The following CDH12 variants were observed in gnomAD, a reference collection of about 807,000 sequenced individuals.
CDH12 encodes the protein cadherin-12.
Under a neutral mutation model 74.1 loss-of-function variants are expected in CDH12, and 41 were observed. The observed-to-expected ratio is 0.55, with a 90% confidence interval of 0.43 to 0.72. The LOEUF (loss-of-function observed/expected upper bound fraction) is 0.72, where lower values mean the gene tolerates loss of function less well. Ranked by LOEUF, CDH12 falls within the 30% of genes least tolerant of loss-of-function variation. The pLI, the probability that CDH12 is intolerant of heterozygous loss-of-function variation, is 0.00. For missense variants in CDH12, 945 were observed against 977.2 expected, an observed-to-expected ratio of 0.97 and a Z score of 0.44; for synonymous variants, 399 against 355.0, an observed-to-expected ratio of 1.12 and a Z score of -1.39.
At chr5:22,518,835 A>G (rs933672355) in intron 1 of CDH12, among the ~76,000 whole-genome samples, 1 of 152,176 alleles carries the variant, frequency 6.6e-6, no homozygotes, top group Non-Finnish European at 1.5e-5. Context: ...GTATCACTAC[A>G]TTGATTGGAA....
At chr5:22,137,328 T>G (rs1746521400) in intron 4 of CDH12, among the ~76,000 whole-genome samples, 1 of 152,060 alleles carries the variant, frequency 6.6e-6, no homozygotes, top group African/African-American at 2.4e-5. Context: ...TGTCTTATAG[T>G]TATAATATGC....
At chr5:21,982,354 T>C (rs1325202190) in intron 5 of CDH12, among the ~76,000 whole-genome samples, 1 of 151,996 alleles carries the variant, frequency 6.6e-6, no homozygotes, top group African/African-American at 2.4e-5. Context: ...CTATCCTGGG[T>C]CTACAGTTTG....
intron 5 of CDH12, among the ~76,000 whole-genome samples, chr5:22,045,740 A>T (rs1015766018): frequency 1.3e-5 from 2 of 152,136 alleles, no homozygotes; most frequent in African/African-American, 4.8e-5. Flanking sequence ...ATCTAAAAAA[A>T]GTTTATCTCA....
rs562359181 is a variant in CDH12, at chr5:22,763,146, C to T, written c.-523+89912G>A. Among the ~76,000 whole-genome samples, 6 of 151,930 alleles carry T rather than the reference C, an allele frequency of 3.9e-5. No individual in the cohort carries two copies. In the South Asian group the frequency reaches 8.3e-4, roughly 21 times the overall value. On this transcript the variant is annotated intron_variant, in intron 1 of 14. Transcript: ENST00000382254. Reference sequence around the variant, plus strand: ...TTGACAGTCTACTGACTTTTCATAACGGAACATCATGGTAATTTAAGTGTG... The same window carrying T: ...TTGACAGTCTACTGACTTTTCATAATGGAACATCATGGTAATTTAAGTGTG...
intron 1 of CDH12, among the ~76,000 whole-genome samples, chr5:22,635,270 G>T (rs868632220): frequency 3.9e-5 from 6 of 152,244 alleles, no homozygotes; most frequent in Admixed American, 3.3e-4. Context: ...GACAGTGAGT[G>T]CTGGGACGAA....
At chr5:22,070,042 C>T (rs996357002) in intron 5 of CDH12, among the ~76,000 whole-genome samples, 1 of 152,106 alleles carries the variant, frequency 6.6e-6, no homozygotes, top group Non-Finnish European at 1.5e-5. Flanking sequence ...GAAATGAGGG[C>T]TATAATCATT....
At chr5:22,745,782 A>G (rs1745264770) in intron 1 of CDH12, among the ~76,000 whole-genome samples, 1 of 152,136 alleles carries the variant, frequency 6.6e-6, no homozygotes, top group Admixed American at 6.5e-5. Context: ...GGTGGGAGGA[A>G]GGAGAGATTC....
intron 3 of CDH12, among the ~76,000 whole-genome samples, chr5:22,283,300 T>A (rs1432189081): frequency 6.8e-6 from 1 of 146,950 alleles, no homozygotes; most frequent in African/African-American, 2.5e-5. Context: ...ATATATAGCA[T>A]TTACATATAT....
At chr5:22,769,554 CG>C (rs1746698359) in intron 1 of CDH12, among the ~76,000 whole-genome samples, 1 of 152,032 alleles carries the variant, frequency 6.6e-6, no homozygotes, top group Non-Finnish European at 1.5e-5. Context: ...GATAGCCTAT[CG>C]TGGGACTTCG....
At chr5:22,513,449 G>A (rs904914144) in intron 1 of CDH12, among the ~76,000 whole-genome samples, 1 of 151,866 alleles carries the variant, frequency 6.6e-6, no homozygotes, top group African/African-American at 2.4e-5. Context: ...AGCTTTCACT[G>A]AATAATGAAC....
At chr5:21,925,288 TCAAGTCCTC>T (rs897070016) in intron 6 of CDH12, among the ~76,000 whole-genome samples, 1 of 152,196 alleles carries the variant, frequency 6.6e-6, no homozygotes, top group African/African-American at 2.4e-5. Context: ...AAACTGCTTT[TCAAGTCCTC>T]CCTCAAACAC....
chr5:22,562,815 T>C (rs1739117628), intron 1 of CDH12, among the ~76,000 whole-genome samples: 1 of 150,202 alleles, frequency 6.7e-6, no homozygotes, highest in African/African-American at 2.4e-5. Flanking sequence ...TAATCTATTA[T>C]GTTATGAAAT....
intron 1 of CDH12, among the ~76,000 whole-genome samples, chr5:22,807,683 T>A (rs1201817041): frequency 1.3e-5 from 2 of 152,348 alleles, no homozygotes; most frequent in East Asian, 3.9e-4. Context: ...CTGTACTGAA[T>A]ACTGCAGACA....
intron 4 of CDH12, among the ~76,000 whole-genome samples, chr5:22,138,873 T>TATATATATATATATATATATATAC (rs1561151408): frequency 2.2e-5 from 3 of 139,414 alleles, no homozygotes; most frequent in East Asian, 2.0e-4. Flanking sequence ...TATATATATA[T>TATATATATATATATATATATATAC]ATACATGTTG....
intron 1 of CDH12, among the ~76,000 whole-genome samples, chr5:22,819,824 C>A (rs567517521): frequency 6.7e-6 from 1 of 149,904 alleles, no homozygotes; most frequent in Admixed American, 6.7e-5. Flanking sequence ...TATCCAGATA[C>A]TTAAATATAT....
chr5:21,883,242 A>C, intron 6 of CDH12: 1 of 1,357,410 alleles, frequency 7.4e-7, no homozygotes, highest in Admixed American at 1.7e-5. Context: ...TGAAGGCATG[A>C]AGTTTGATTG....
intron 6 of CDH12, among the ~76,000 whole-genome samples, chr5:21,882,102 A>G (rs747651473): frequency 6.6e-6 from 1 of 152,250 alleles, no homozygotes; most frequent in Non-Finnish European, 1.5e-5. Flanking sequence ...ATTAGAGCCA[A>G]TGTTCAGGTT....
intron 8 of CDH12, among the ~76,000 whole-genome samples, chr5:21,837,516 T>C (rs1042239997): frequency 6.6e-6 from 1 of 151,100 alleles, no homozygotes; most frequent in African/African-American, 2.4e-5. Flanking sequence ...CGAACAAATA[T>C]AGTTAGTTGT....
Position 22,622,781 on chromosome 5 carries a change from G to A in CDH12, c.-522-117417C>T, listed in dbSNP as rs147943129. ...GTACCATTCCCTCTGAAACTATTCCGATCAATAGAAAAGAGGGAATCCTCC... is the reference window on the plus strand; with the variant it reads ...GTACCATTCCCTCTGAAACTATTCCAATCAATAGAAAAGAGGGAATCCTCC... On this transcript the variant is annotated intron_variant, in intron 1 of 14. Transcript: ENST00000382254. 7.9e-4 allele frequency among the ~76,000 whole-genome samples: 120 copies of A among 152,120 alleles called. 2 individuals carry two copies. In the East Asian group the frequency reaches 0.018, roughly 22 times the overall value.
Sources: gnomAD v4.1 joint callset for allele counts (sites outside exome capture counted in the v4.1 genomes callset) on GRCh38, gnomAD v4.1.1 for gene constraint, MANE v1.5 for transcripts, NCBI Gene and HGNC (gene_info 2026-07-23, HGNC 2026-07-21) for gene names.